Variants in ADGRB3 observed in about 807,000 individuals in gnomAD.
The protein encoded by ADGRB3 is adhesion G protein-coupled receptor B3.
ADGRB3 carries 37 observed loss-of-function variants against 193.4 expected under a neutral mutation model. The ratio of observed to expected loss-of-function variants is 0.19; its 90% CI spans 0.15 to 0.25. ADGRB3 has a LOEUF of 0.25. Ranked by LOEUF, ADGRB3 falls within the 10% of genes least tolerant of loss-of-function variation. ADGRB3 has a pLI of 1.00. For synonymous variants in ADGRB3, 690 were observed against 644.2 expected, an observed-to-expected ratio of 1.07 and a Z score of -1.08; for missense variants, 1,637 against 1,852.9, an observed-to-expected ratio of 0.88 and a Z score of 2.14.
intron 3 of ADGRB3, among the ~76,000 whole-genome samples, chr6:68,915,912 G>A (rs1033038699): frequency 2.0e-5 from 3 of 152,050 alleles, no homozygotes; most frequent in African/African-American, 4.8e-5. Context: ...TTACAGTCAG[G>A]CATTATATGA....
intron 17 of ADGRB3, among the ~76,000 whole-genome samples, chr6:69,193,586 C>T (rs1227316514): frequency 1.3e-5 from 2 of 151,946 alleles, no homozygotes; most frequent in Non-Finnish European, 1.5e-5. Context: ...ACTATAACAC[C>T]ATATTAAATA....
chr6:69,220,045 C>T (rs1367942318), intron 17 of ADGRB3, among the ~76,000 whole-genome samples: 1 of 151,810 alleles, frequency 6.6e-6, no homozygotes, highest in African/African-American at 2.4e-5. Context: ...TTTCTCATGA[C>T]AGTTTTTTTT....
chr6:68,866,658 G>T (rs1035731291), intron 3 of ADGRB3, among the ~76,000 whole-genome samples: 1 of 152,194 alleles, frequency 6.6e-6, no homozygotes, highest in Non-Finnish European at 1.5e-5. Context: ...TTGTTGAATG[G>T]TTTTGACCAA....
intron 3 of ADGRB3, among the ~76,000 whole-genome samples, chr6:68,817,771 C>T (rs1260391943): frequency 2.6e-5 from 4 of 151,858 alleles, no homozygotes; most frequent in East Asian, 1.9e-4. Context: ...TTGTGAGTAG[C>T]GTAGGGGCAA....
intron 20 of ADGRB3, among the ~76,000 whole-genome samples, chr6:69,283,801 G>A (rs1349368440): frequency 6.6e-6 from 1 of 152,126 alleles, no homozygotes; most frequent in Non-Finnish European, 1.5e-5. Context: ...AAAAATCTCA[G>A]TACAAGCAAG....
intron 20 of ADGRB3, among the ~76,000 whole-genome samples, chr6:69,257,333 T>C (rs1416430348): frequency 2.6e-5 from 4 of 152,202 alleles, no homozygotes; most frequent in Non-Finnish European, 5.9e-5. Context: ...CATCTGGTCC[T>C]GGACTCTTTT....
rs74568876 is a variant in ADGRB3, at chr6:68,941,383, A to G, written c.1031-2447A>G. On this transcript the variant is annotated intron_variant, in intron 5 of 31. Transcript: ENST00000370598. ...TTAAAATGATGTGAATGAGCCATGAACTTTTACCGTGTAGCCATAAAGACT... is the reference window on the plus strand; with the variant it reads ...TTAAAATGATGTGAATGAGCCATGAGCTTTTACCGTGTAGCCATAAAGACT... Among the ~76,000 whole-genome samples the G allele has an allele frequency of 1.6e-4, 25 of 152,280 alleles. No individual in the cohort carries two copies. The East Asian group carries it at 4.4e-3, about 27-fold the overall frequency.
chr6:68,940,433 T>C (rs992070611), intron 5 of ADGRB3, among the ~76,000 whole-genome samples: 4 of 151,910 alleles, frequency 2.6e-5, no homozygotes, highest in African/African-American at 9.7e-5. Context: ...TCTCTAGTCA[T>C]TGCCAAATGT....
chr6:68,761,178 C>A (rs1214623373), intron 3 of ADGRB3, among the ~76,000 whole-genome samples: 1 of 152,084 alleles, frequency 6.6e-6, no homozygotes, highest in Non-Finnish European at 1.5e-5. Context: ...GATCACATAC[C>A]CTGTTAAGGC....
At chr6:69,015,889 C>A (rs1770075444) in intron 12 of ADGRB3, among the ~76,000 whole-genome samples, 2 of 150,562 alleles carry the variant, frequency 1.3e-5, no homozygotes, top group Admixed American at 1.3e-4. Flanking sequence ...TACACCCTAC[C>A]CATATGGCTG....
chr6:68,966,335 C>A (rs562086980), intron 8 of ADGRB3, among the ~76,000 whole-genome samples: 1 of 152,262 alleles, frequency 6.6e-6, no homozygotes, highest in Admixed American at 6.5e-5. Flanking sequence ...GCAGGCATAG[C>A]AAGCATTTAA....
intron 17 of ADGRB3, among the ~76,000 whole-genome samples, chr6:69,185,808 T>C (rs1278572796): frequency 1.3e-5 from 2 of 152,196 alleles, no homozygotes; most frequent in African/African-American, 2.4e-5. Context: ...TAACATATTG[T>C]GAATTCCCAA....
At chr6:69,192,319 A>T (rs973182243) in intron 17 of ADGRB3, among the ~76,000 whole-genome samples, 1 of 152,112 alleles carries the variant, frequency 6.6e-6, no homozygotes, top group Non-Finnish European at 1.5e-5. Context: ...GCACGGGAGA[A>T]AGATGCAGGC....
intron 17 of ADGRB3, among the ~76,000 whole-genome samples, chr6:69,127,590 T>C (rs751237689): frequency 1.8e-4 from 27 of 152,190 alleles, no homozygotes; most frequent in Non-Finnish European, 3.5e-4. Flanking sequence ...AAAATATAAA[T>C]TACTCAAAGT....
At chr6:69,368,994 A>G (rs1769648455) in intron 29 of ADGRB3, among the ~76,000 whole-genome samples, 1 of 152,124 alleles carries the variant, frequency 6.6e-6, no homozygotes, top group African/African-American at 2.4e-5. Flanking sequence ...TATTTACGTT[A>G]GGTTATTTGC....
At chr6:68,919,020 CT>C (rs1368910142) in intron 3 of ADGRB3, among the ~76,000 whole-genome samples, 2 of 151,906 alleles carry the variant, frequency 1.3e-5, no homozygotes, top group African/African-American at 4.8e-5. Context: ...CTGGACATGT[CT>C]TTTTTTATTC....
chr6:68,818,078 T>C (rs1767670787), intron 3 of ADGRB3, among the ~76,000 whole-genome samples: 1 of 152,002 alleles, frequency 6.6e-6, no homozygotes, highest in East Asian at 1.9e-4. Context: ...TGGCTTTAGG[T>C]TCTTGTAGCT....
chr6:68,909,941 A>T (rs562042784), intron 3 of ADGRB3, among the ~76,000 whole-genome samples: 4 of 152,214 alleles, frequency 2.6e-5, no homozygotes, highest in Non-Finnish European at 5.9e-5. Flanking sequence ...TGGCTGGGTC[A>T]AATGGTATTT....
intron 3 of ADGRB3, among the ~76,000 whole-genome samples, chr6:68,716,447 C>T (rs1423827846): frequency 6.6e-6 from 1 of 151,366 alleles, no homozygotes; most frequent in Non-Finnish European, 1.5e-5. Context: ...CCATGTTTTA[C>T]TGGTTCTGTA....
Sources: gnomAD v4.1 joint callset for allele counts (sites outside exome capture counted in the v4.1 genomes callset) on GRCh38, gnomAD v4.1.1 for gene constraint, MANE v1.5 for transcripts, NCBI Gene and HGNC (gene_info 2026-07-23, HGNC 2026-07-21) for gene names.